LIMA1: variants seen among roughly 807,000 people sequenced by gnomAD.
The protein encoded by LIMA1 is LIM domain and actin-binding protein 1.
LIMA1 carries 52 observed loss-of-function variants against 62.6 expected under a neutral mutation model. The observed-to-expected ratio is 0.83, with a 90% CI of 0.67 to 1.05. The LOEUF (loss-of-function observed/expected upper bound fraction) is 1.05. LIMA1 is among the 50% of genes least tolerant of loss of function. LIMA1 has a pLI of 0.00. For missense variants in LIMA1, 780 were observed against 902.2 expected (o/e 0.86, Z 1.74); for synonymous variants, 302 against 317.8 (o/e 0.95, Z 0.53).
intron 1 of LIMA1, among the ~76,000 whole-genome samples, chr12:50,261,558 T>C (rs1942073920): frequency 6.6e-6 from 1 of 152,090 alleles, no homozygotes; most frequent in African/African-American, 2.4e-5. Flanking sequence ...CTGCTATGGG[T>C]CCCAGCTTGG....
Position 50,222,476 on chromosome 12 carries a change from T to G in LIMA1, c.175A>C (p.Asn59His). 1 of 1,613,946 alleles carries G rather than the reference T, an allele frequency of 6.2e-7. No homozygotes were observed. The highest frequency in any genetic ancestry group is 8.5e-7 in the Non-Finnish European group (1 of 1,179,920). Residue 59 changes from asparagine (N) to histidine (H), a missense_variant, in exon 4 of 11, where the codon AAT becomes CAT. Coordinates refer to ENST00000341247, the MANE Select transcript of LIMA1 (RefSeq NM_016357.5). ...NMEKKRSNTE[N>H]LSQHFRKGTL... ...CCCTTTCTAAAGTGCTGGGAGAGATTTTCGGTGTTCTAGAAGAACAAGAAG... is the reference window on the plus strand; with the variant it reads ...CCCTTTCTAAAGTGCTGGGAGAGATGTTCGGTGTTCTAGAAGAACAAGAAG...
intron 3 of LIMA1, among the ~76,000 whole-genome samples, chr12:50,225,958 T>A (rs1233377185): frequency 6.6e-6 from 1 of 152,224 alleles, no homozygotes; most frequent in Non-Finnish European, 1.5e-5. Flanking sequence ...ACAATTTATA[T>A]CTCATTATTA....
chr12:50,254,470 T>C (rs1427267832), intron 1 of LIMA1, among the ~76,000 whole-genome samples: 1 of 152,134 alleles, frequency 6.6e-6, no homozygotes, highest in Non-Finnish European at 1.5e-5. Flanking sequence ...ACCAGCTGGT[T>C]AGTATTAGAG....
chr12:50,188,581 C>T, intron 9 of LIMA1: 1 of 152,210 alleles, frequency 6.6e-6, no homozygotes, highest in East Asian at 1.9e-4. Flanking sequence ...GGGCCGTCTA[C>T]TACTATACTA....
At chr12:50,214,051 C>CACACACACACACACACACACAT (rs55904917) in intron 4 of LIMA1, among the ~76,000 whole-genome samples, 1,657 of 149,946 alleles carry the variant, frequency 0.011, 21 homozygotes, top group South Asian at 0.02. Flanking sequence ...CACACACACA[C>CACACACACACACACACACACAT]GAGATTACTC....
intron 8 of LIMA1, 116 bp downstream of exon 8, chr12:50,195,714 A>T: frequency 2.0e-6 from 2 of 1,006,114 alleles, no homozygotes; most frequent in Non-Finnish European, 2.9e-6. Flanking sequence ...CCTTAAATTC[A>T]AGTAGAGGAT....
chr12:50,259,991 C>T (rs1213455688), intron 1 of LIMA1, among the ~76,000 whole-genome samples: 1 of 152,038 alleles, frequency 6.6e-6, no homozygotes, highest in African/African-American at 2.4e-5. Context: ...CTTTTCCTAC[C>T]TCCACTCTTA....
chr12:50,275,291 C>T (rs574564844), intron 1 of LIMA1, among the ~76,000 whole-genome samples: 14 of 152,222 alleles, frequency 9.2e-5, no homozygotes, highest in African/African-American at 3.4e-4. Context: ...TCACCTGAAC[C>T]CAGGAGGTGG....
chr12:50,218,727 G>A (rs185036999), intron 4 of LIMA1, among the ~76,000 whole-genome samples: 14 of 152,080 alleles, frequency 9.2e-5, no homozygotes, highest in African/African-American at 2.7e-4. Flanking sequence ...GCAACATAGC[G>A]AAACGCTGTC....
At chr12:50,252,579 C>CAAAAA (rs397936373) in intron 1 of LIMA1, among the ~76,000 whole-genome samples, 1 of 58,988 alleles carries the variant, frequency 1.7e-5, no homozygotes. Flanking sequence ...GAAACTGTCT[C>CAAAAA]AAAAAAAAAA....
chr12:50,247,009 GCCT>G (rs1941859300), intron 2 of LIMA1, among the ~76,000 whole-genome samples: 1 of 152,156 alleles, frequency 6.6e-6, no homozygotes, highest in South Asian at 2.1e-4. Flanking sequence ...AGTGGTGTGT[GCCT>G]ATAGTCCCAG....
At position 50,176,656 on chromosome 12, in the gene LIMA1, C is replaced by A. The variant is rs1203720402; in HGVS notation, c.*408G>T. The A allele has an allele frequency of 6.3e-6, 1 of 158,670 alleles. No individual in the cohort carries two copies. The highest frequency in any genetic ancestry group is 1.4e-5 in the Non-Finnish European group (1 of 72,412). The allele number at this position is 158,670 out of a possible 1,614,324, so 9.8% of individuals were successfully genotyped here. ...CCCTTTATACTAAAGTGCATTCAGT[C>A]GTAATGTTTAAGCCCCTAAATTCCT... On this transcript the variant is annotated 3_prime_UTR_variant, in exon 11 of 11. Coordinates refer to ENST00000341247, the MANE Select transcript of LIMA1 (RefSeq NM_016357.5).
intron 4 of LIMA1, chr12:50,218,463 A>G (rs1349421042): frequency 6.6e-6 from 1 of 152,248 alleles, no homozygotes; most frequent in African/African-American, 2.4e-5. Flanking sequence ...GAAAAAAGGC[A>G]AAGTAGCCGT....
chr12:50,271,385 C>A (rs1942210163), intron 1 of LIMA1, among the ~76,000 whole-genome samples: 1 of 151,856 alleles, frequency 6.6e-6, no homozygotes, highest in Non-Finnish European at 1.5e-5. Flanking sequence ...AGATCAAATT[C>A]AAGTCTAACT....
At chr12:50,246,453 G>A (rs577666190) in intron 2 of LIMA1, among the ~76,000 whole-genome samples, 6 of 152,010 alleles carry the variant, frequency 3.9e-5, no homozygotes, top group African/African-American at 1.2e-4. Context: ...CTCTATTCCT[G>A]TTCCCCCTTG....
rs1163674612 is a variant in LIMA1 at position 50,177,933 on chromosome 12, T to C, written c.1411A>G (p.Asn471Asp). The C allele has an allele frequency of 6.2e-7, 1 of 1,614,072 alleles. No individual in the cohort carries two copies. Among genetic ancestry groups the C allele is most frequent in the Middle Eastern group, 1.6e-4 (1 of 6,062 alleles). The stretch of plus-strand genomic sequence containing the variant: ...GCTGGTCTCTCCAAAATCTCTTCGT[T>C]TTCATTTTTGCTTGCCCATAGATCC... ...HKDLWASKNENEEILERPAQL... is the reference protein window; with the variant it reads ...HKDLWASKNEDEEILERPAQL... Residue 471 changes from asparagine to aspartate, a missense_variant, in exon 11 of 11, where the codon AAC (asparagine) becomes GAC (aspartate). Coordinates refer to ENST00000341247, the MANE Select transcript of LIMA1 (RefSeq NM_016357.5).
chr12:50,272,994 G>A (rs1289677965), intron 1 of LIMA1, among the ~76,000 whole-genome samples: 3 of 150,560 alleles, frequency 2.0e-5, no homozygotes, highest in Admixed American at 6.6e-5. Flanking sequence ...AGCTTGCAGT[G>A]AGCAGAGATC....
chr12:50,188,279 A>C (rs1316839851), intron 9 of LIMA1: 1 of 152,188 alleles, frequency 6.6e-6, no homozygotes. Flanking sequence ...GTAATTTCCC[A>C]AAGTGGAGAA....
At chr12:50,201,834 G>C (rs1463338844) in intron 6 of LIMA1, 1 of 152,372 alleles carries the variant, frequency 6.6e-6, no homozygotes, top group Non-Finnish European at 1.5e-5. Context: ...GGAGGCAGAG[G>C]TTGCAGTGAG....
Sources: allele counts gnomAD v4.1 joint callset (sites outside exome capture counted in the v4.1 genomes callset), GRCh38; gene constraint gnomAD v4.1.1; transcripts MANE v1.5; gene names NCBI Gene and HGNC (gene_info 2026-07-23, HGNC 2026-07-21).